Variants in ANXA10 observed in about 807,000 individuals in gnomAD.
ANXA10 encodes the protein annexin 14.
A neutral mutation model predicts 53.5 loss-of-function variants in ANXA10; 49 were observed. The observed-to-expected ratio is 0.92, with a 90% CI of 0.73 to 1.16. The LOEUF (loss-of-function observed/expected upper bound fraction) is 1.16. Ranked by LOEUF, ANXA10 falls within the 50% of genes most tolerant of loss-of-function variation. ANXA10 has a pLI of 0.00. For missense variants in ANXA10, 393 were observed against 394.4 expected, an observed-to-expected ratio of 1.00 and a Z score of 0.03; for synonymous variants, 131 against 128.9, an observed-to-expected ratio of 1.02 and a Z score of -0.11.
At chr4:168,101,506 G>T (rs1466319096) in intron 1 of ANXA10, among the ~76,000 whole-genome samples, 1 of 133,384 alleles carries the variant, frequency 7.5e-6, no homozygotes, top group East Asian at 2.7e-4. Flanking sequence ...TTTTGGGGGG[G>T]AAGGGGACGG....
At chr4:168,150,274 C>CA (rs1354766481) in intron 3 of ANXA10, among the ~76,000 whole-genome samples, 4 of 152,024 alleles carry the variant, frequency 2.6e-5, no homozygotes, top group Admixed American at 6.5e-5. Flanking sequence ...TATTATCAAA[C>CA]AAAAAACCCC....
At chr4:168,169,750 C>T (rs1253474566) in intron 6 of ANXA10, among the ~76,000 whole-genome samples, 4 of 152,200 alleles carry the variant, frequency 2.6e-5, no homozygotes, top group African/African-American at 9.6e-5. Context: ...GCTCCTATCT[C>T]CAACCCCATT....
At chr4:168,103,215 T>G (rs564118035) in intron 1 of ANXA10, among the ~76,000 whole-genome samples, 2 of 152,136 alleles carry the variant, frequency 1.3e-5, no homozygotes, top group South Asian at 4.1e-4. Context: ...ATATTTTTGT[T>G]GTCATTTCTA....
intron 1 of ANXA10, 69 bp from the exon 2 acceptor site, chr4:168,128,015 T>C (rs1731100095): frequency 7.1e-7 from 1 of 1,414,064 alleles, no homozygotes; most frequent in Non-Finnish European, 1.0e-6. Flanking sequence ...TGAGCCACTG[T>C]GCCCGGCCAC....
chr4:168,121,867 G>A lies in ANXA10; in HGVS notation c.19-6217G>A, dbSNP rs140119740. ...TGTTTTGTTTTTGTTTTTCTGAGAC[G>A]GAGTCTCACTCTGTCTCCCAGGCGG... On this transcript the variant is annotated intron_variant, in intron 1 of 11. Transcript: ENST00000359299. 1.7e-3 allele frequency among the ~76,000 whole-genome samples: 257 copies of A among 151,776 alleles called. 2 individuals are homozygous for A. The highest frequency in any genetic ancestry group is 5.5e-3 in the African/African-American group (227 of 41,372).
chr4:168,168,178 C>T lies in ANXA10; in HGVS notation c.480+2852C>T, dbSNP rs183384974. Among the ~76,000 whole-genome samples, 3 of 152,248 alleles carry T rather than the reference C, an allele frequency of 2.0e-5. No homozygotes were observed. In the East Asian group the frequency reaches 5.8e-4, roughly 29 times the overall value. Reference sequence around the variant, plus strand: ...GTGATCCAGAGACTTAGTCTCCTTCCACCGTTACAACTGGCTTTTAAGTTT... The same window carrying T: ...GTGATCCAGAGACTTAGTCTCCTTCTACCGTTACAACTGGCTTTTAAGTTT... On this transcript the variant is annotated intron_variant, in intron 6 of 11. Coordinates refer to ENST00000359299, the MANE Select transcript of ANXA10 (RefSeq NM_007193.5).
chr4:168,148,151 T>C (rs909651960), intron 3 of ANXA10, among the ~76,000 whole-genome samples: 3 of 151,560 alleles, frequency 2.0e-5, no homozygotes, highest in Non-Finnish European at 4.4e-5. Context: ...TTTGAGTGAA[T>C]TGGGTTTGAC....
intron 1 of ANXA10, among the ~76,000 whole-genome samples, chr4:168,117,606 C>T (rs1730914588): frequency 6.6e-6 from 1 of 152,110 alleles, no homozygotes; most frequent in South Asian, 2.1e-4. Context: ...CAATGTATAA[C>T]AAAATCAATT....
At position 168,156,196 on chromosome 4, in the gene ANXA10, A is replaced by AT. The variant is rs1326111690; in HGVS notation, c.196-6331dup. On this transcript the variant is annotated intron_variant, in intron 3 of 11. Transcript: ENST00000359299. ...TTATATTATATATTATATATTATATATAATATATATTATATTATATGTAAT... is the reference window on the plus strand; with the variant it reads ...TTATATTATATATTATATATTATATATTAATATATATTATATTATATGTAAT... Among the ~76,000 whole-genome samples the AT allele has an allele frequency of 3.2e-3, 69 of 21,520 alleles. 3 individuals are homozygous for AT. The highest frequency in any genetic ancestry group is 0.015 in the East Asian group (11 of 722). 14.1% of individuals were successfully genotyped at this position (21,520 alleles called of 152,430 possible). A position where few individuals can be genotyped will look rare whatever the true frequency, so the allele number is the denominator to read the frequency against.
intron 6 of ANXA10, 21 bp downstream of exon 6, chr4:168,165,347 C>T: frequency 7.4e-7 from 1 of 1,355,312 alleles, no homozygotes; most frequent in South Asian, 1.4e-5. Flanking sequence ...CCAAAATTTA[C>T]ATTACTTTGC....
rs745411561 is a variant in ANXA10 at position 168,184,665 on chromosome 4, T to A, written c.890T>A (p.Leu297Gln). 3 of 1,614,006 alleles carry A rather than the reference T, an allele frequency of 1.9e-6. No individual in the cohort carries two copies. Among genetic ancestry groups the A allele is most frequent in the Non-Finnish European group, 2.5e-6 (3 of 1,179,926 alleles). The change falls in exon 11 of 12, where the codon CTA becomes CAA. Residue 297 changes from leucine (L) to glutamine (Q), a missense_variant. By Grantham distance (113) the Leu-to-Gln change is moderately radical. Transcript: ENST00000359299. ...KRYKERYGKS[L>Q]FHDIRNFASG... ...TACAAAGAGCGATATGGAAAATCCCTATTTCATGATATCAGAGTAAGTTTC... is the reference window on the plus strand; with the variant it reads ...TACAAAGAGCGATATGGAAAATCCCAATTTCATGATATCAGAGTAAGTTTC...
At chr4:168,160,979 AT>A (rs1355006325) in intron 3 of ANXA10, among the ~76,000 whole-genome samples, 2 of 152,102 alleles carry the variant, frequency 1.3e-5, no homozygotes, top group African/African-American at 2.4e-5. Flanking sequence ...CCATGGATAG[AT>A]TGCAAAAACT....
At position 168,108,445 on chromosome 4, in the gene ANXA10, T is replaced by C. The variant is rs566477811; in HGVS notation, c.18+15727T>C. On this transcript the variant is annotated intron_variant, in intron 1 of 11. Coordinates refer to ENST00000359299, the MANE Select transcript of ANXA10 (RefSeq NM_007193.5). The stretch of plus-strand genomic sequence containing the variant: ...ATTTAGCACTGATACACTATGGCCT[T>C]CAAAGATGTTTCTTTGGGACCATTA... Among the ~76,000 whole-genome samples, 34 of 152,312 alleles carry C rather than the reference T, an allele frequency of 2.2e-4. 1 individual carries two copies. The highest frequency in any genetic ancestry group is 4.4e-4 in the Non-Finnish European group (30 of 68,018).
At chr4:168,108,318 C>T (rs572319782) in intron 1 of ANXA10, among the ~76,000 whole-genome samples, 1 of 152,254 alleles carries the variant, frequency 6.6e-6, no homozygotes, top group South Asian at 2.1e-4. Flanking sequence ...GGAATGCAGG[C>T]CAGTAGGTCT....
chr4:168,177,645 C>T (rs1405656476), intron 6 of ANXA10, 95 bp from the exon 7 acceptor site: 2 of 1,233,532 alleles, frequency 1.6e-6, no homozygotes, highest in African/African-American at 1.5e-5. Flanking sequence ...TCCTTAGGAA[C>T]AATCAGAATG....
chr4:168,160,890 A>C (rs1309278612), intron 3 of ANXA10, among the ~76,000 whole-genome samples: 1 of 151,680 alleles, frequency 6.6e-6, no homozygotes, highest in Non-Finnish European at 1.5e-5. Flanking sequence ...TATTTTTCCC[A>C]CTTTTTAATG....
At chr4:168,171,581 A>G (rs983401038) in intron 6 of ANXA10, among the ~76,000 whole-genome samples, 2 of 152,140 alleles carry the variant, frequency 1.3e-5, no homozygotes, top group Non-Finnish European at 2.9e-5. Flanking sequence ...GTTCTTGTGA[A>G]ATGGCAAGTG....
chr4:168,140,418 T>C (rs1234842780), intron 3 of ANXA10, among the ~76,000 whole-genome samples: 1 of 152,236 alleles, frequency 6.6e-6, no homozygotes, highest in African/African-American at 2.4e-5. Flanking sequence ...ATCCAAAAGC[T>C]ACTATCAGTA....
Position 168,177,767 on chromosome 4 carries a change from C to T in ANXA10, c.508C>T (p.Pro170Ser), listed in dbSNP as rs757060884. 1.2e-6 allele frequency: 2 copies of T among 1,614,108 alleles called. No individual in the cohort carries two copies. The highest frequency in any genetic ancestry group is 8.5e-7 in the Non-Finnish European group (1 of 1,180,014). ...QGTREEGYTDPAMAAQDAMVL... is the reference protein window; with the variant it reads ...QGTREEGYTDSAMAAQDAMVL... ...GACCAGAGAGGAAGGATATACAGAC[C>T]CTGCGATGGCTGCTCAGGATGCAAT... The change falls in exon 7 of 12, where the codon CCT (proline) becomes TCT (serine). Residue 170 changes from proline to serine, a missense_variant. Transcript: ENST00000359299.
Sources: gnomAD v4.1 joint callset for allele counts (sites outside exome capture counted in the v4.1 genomes callset) on GRCh38, gnomAD v4.1.1 for gene constraint, MANE v1.5 for transcripts, NCBI Gene and HGNC (gene_info 2026-07-23, HGNC 2026-07-21) for gene names.